Variants in EYS observed in about 807,000 individuals in gnomAD.
EYS encodes the protein EGF-like photoreceptor maintenance factor, also known as protein eyes shut homolog.
In EYS, 250 loss-of-function variants were observed where a neutral mutation model predicts 282.1. The ratio of observed to expected loss-of-function variants is 0.89; its 90% CI spans 0.80 to 0.98. The LOEUF (loss-of-function observed/expected upper bound fraction) is 0.98. EYS is among the 50% of genes least tolerant of loss of function. EYS has a pLI of 0.00. For synonymous variants in EYS, 1,355 were observed against 1,282.9 expected, an observed-to-expected ratio of 1.06 and a Z score of -1.20; for missense variants, 4,016 against 3,709.0, an observed-to-expected ratio of 1.08 and a Z score of -2.15.
At chr6:64,895,849 A>G (rs1767443283) in intron 18 of EYS, among the ~76,000 whole-genome samples, 3 of 152,144 alleles carry the variant, frequency 2.0e-5, no homozygotes, top group Non-Finnish European at 4.4e-5. Context: ...ATCTACATAT[A>G]AAGAACATAA....
intron 8 of EYS, among the ~76,000 whole-genome samples, chr6:65,376,204 A>T (rs2150345529): frequency 6.6e-6 from 1 of 152,298 alleles, no homozygotes; most frequent in East Asian, 1.9e-4. Flanking sequence ...AAGCCAGAAA[A>T]GAGTGGTGCC....
At chr6:64,221,859 G>A (rs1766114408) in intron 31 of EYS, among the ~76,000 whole-genome samples, 1 of 151,968 alleles carries the variant, frequency 6.6e-6, no homozygotes, top group Non-Finnish European at 1.5e-5. Flanking sequence ...AAGGATGACT[G>A]GATATAGGGC....
chr6:64,696,921 G>A (rs917929764), intron 22 of EYS, among the ~76,000 whole-genome samples: 5 of 152,034 alleles, frequency 3.3e-5, no homozygotes, highest in African/African-American at 4.8e-5. Flanking sequence ...GTTATATAAA[G>A]CAATTACACA....
chr6:65,034,470 A>G (rs1353516554), intron 13 of EYS, among the ~76,000 whole-genome samples: 1 of 152,112 alleles, frequency 6.6e-6, no homozygotes, highest in African/African-American at 2.4e-5. Context: ...TGTTTGGATC[A>G]TGGGAGCAGA....
At chr6:65,020,252 G>T (rs1018748048) in intron 13 of EYS, among the ~76,000 whole-genome samples, 3 of 152,276 alleles carry the variant, frequency 2.0e-5, no homozygotes, top group Non-Finnish European at 2.9e-5. Context: ...GACAAGGCAA[G>T]TCCCTTCTAC....
At chr6:65,578,747 A>T (rs1764766277) in intron 2 of EYS, among the ~76,000 whole-genome samples, 1 of 152,072 alleles carries the variant, frequency 6.6e-6, no homozygotes, top group Admixed American at 6.6e-5. Context: ...TTAAATTTAC[A>T]AAAACAGAAA....
intron 26 of EYS, among the ~76,000 whole-genome samples, chr6:64,441,060 T>G (rs184208071): frequency 4.2e-4 from 64 of 152,272 alleles, no homozygotes; most frequent in African/African-American, 1.5e-3. Flanking sequence ...AAATCATTGA[T>G]GCTTTACAAA....
intron 5 of EYS, among the ~76,000 whole-genome samples, chr6:65,468,073 A>G (rs1390105754): frequency 6.6e-6 from 1 of 152,104 alleles, no homozygotes; most frequent in Non-Finnish European, 1.5e-5. Flanking sequence ...TTGGGTTTAT[A>G]CCAGAGAAGA....
rs576766695 is a variant in EYS, at chr6:65,207,233, C to T, written c.2023+88630G>A. Among the ~76,000 whole-genome samples, 51 of 151,492 alleles carry T rather than the reference C, an allele frequency of 3.4e-4. 1 individual carries two copies. Among genetic ancestry groups the T allele is most frequent in the Middle Eastern group, 3.4e-3 (1 of 294 alleles). On this transcript the variant is annotated intron_variant, in intron 12 of 42. Coordinates refer to ENST00000503581, the MANE Select transcript of EYS (RefSeq NM_001142800.2). Reference sequence around the variant, plus strand: ...AGCATTTCCATACACTAATGACATTCGAGCTGAGAACCATATAAAAAACTC... The same window carrying T: ...AGCATTTCCATACACTAATGACATTTGAGCTGAGAACCATATAAAAAACTC...
intron 7 of EYS, among the ~76,000 whole-genome samples, chr6:65,390,527 C>A (rs1340186860): frequency 6.6e-6 from 1 of 151,594 alleles, no homozygotes; most frequent in Non-Finnish European, 1.5e-5. Context: ...TAGTGACCAA[C>A]TCAGAAGGCT....
chr6:64,770,284 T>A (rs983891657), intron 22 of EYS, among the ~76,000 whole-genome samples: 5 of 152,036 alleles, frequency 3.3e-5, no homozygotes, highest in Admixed American at 1.3e-4. Context: ...ATAGAAATGG[T>A]TTGTAAAGAA....
At chr6:63,995,527 T>G (rs1463799152) in intron 34 of EYS, among the ~76,000 whole-genome samples, 1 of 152,044 alleles carries the variant, frequency 6.6e-6, no homozygotes, top group Non-Finnish European at 1.5e-5. Flanking sequence ...AACTACCATC[T>G]GATCTAGCAA....
intron 1 of EYS, among the ~76,000 whole-genome samples, chr6:65,649,946 A>G (rs1190251803): frequency 2.0e-5 from 3 of 152,216 alleles, no homozygotes; most frequent in African/African-American, 7.2e-5. Flanking sequence ...TGCATTCTAA[A>G]ATATTAGTTA....
chr6:65,561,374 T>A (rs1769051457), intron 2 of EYS, among the ~76,000 whole-genome samples: 1 of 152,186 alleles, frequency 6.6e-6, no homozygotes, highest in Non-Finnish European at 1.5e-5. Flanking sequence ...GAGTCACCAT[T>A]TACTTCTCTC....
intron 12 of EYS, among the ~76,000 whole-genome samples, chr6:65,201,717 T>A (rs1582011685): frequency 1.3e-5 from 2 of 152,308 alleles, no homozygotes; most frequent in African/African-American, 4.8e-5. Flanking sequence ...GTCCTATAAC[T>A]ATTTCAAAGC....
At chr6:63,733,391 A>G (rs922674292) in intron 41 of EYS, among the ~76,000 whole-genome samples, 1 of 152,184 alleles carries the variant, frequency 6.6e-6, no homozygotes, top group African/African-American at 2.4e-5. Flanking sequence ...TCACCCAAGT[A>G]GTAAGCATAG....
intron 11 of EYS, among the ~76,000 whole-genome samples, chr6:65,301,790 T>C (rs139311129): frequency 0.018 from 2,702 of 152,260 alleles, 12 homozygotes; most frequent in African/African-American, 0.062. Context: ...ACTCCCATAA[T>C]TGGTGCGGAT....
At chr6:65,546,112 C>T (rs1362632974) in intron 2 of EYS, among the ~76,000 whole-genome samples, 2 of 150,158 alleles carry the variant, frequency 1.3e-5, no homozygotes, top group Admixed American at 6.6e-5. Flanking sequence ...CTGTACTTCA[C>T]AGGCTCAAGC....
In EYS at chr6:65,423,896, A is replaced by G. The variant is rs143812999; in HGVS notation, c.863-18529T>C. Among the ~76,000 whole-genome samples the G allele has an allele frequency of 5.9e-3, 902 of 152,102 alleles. 15 individuals are homozygous for G. Among genetic ancestry groups the G allele is most frequent in the African/African-American group, 0.021 (856 of 41,534 alleles). The stretch of plus-strand genomic sequence containing the variant: ...GTTTACTTTATCCCTGAGAGTGTTT[A>G]TTTAATTATATTTGTTGAATAAATA... On this transcript the variant is annotated intron_variant, in intron 5 of 42. Transcript: ENST00000503581.
Sources: allele counts gnomAD v4.1 joint callset (sites outside exome capture counted in the v4.1 genomes callset), GRCh38; gene constraint gnomAD v4.1.1; transcripts MANE v1.5; gene names NCBI Gene and HGNC (gene_info 2026-07-23, HGNC 2026-07-21).